JAKMIP1: variants seen among roughly 807,000 people sequenced by gnomAD.
JAKMIP1 encodes janus kinase and microtubule interacting protein 1.
In JAKMIP1, 33 loss-of-function variants were observed where a neutral mutation model predicts 113.0. The ratio of observed to expected loss-of-function variants is 0.29; its 90% CI spans 0.22 to 0.39. The LOEUF (loss-of-function observed/expected upper bound fraction) is 0.39, where lower values mean the gene tolerates loss of function less well. Among genes scored for constraint, JAKMIP1 ranks in the 10% least tolerant of loss-of-function variants. The pLI, the probability that JAKMIP1 is intolerant of heterozygous loss-of-function variation, is 1.00. For missense variants in JAKMIP1, 813 were observed against 1,080.5 expected (o/e 0.75, Z 3.47); for synonymous variants, 480 against 459.9 (o/e 1.04, Z -0.56).
At chr4:6,124,370 T>TGGACCCAA (rs1717124510) in intron 1 of JAKMIP1, among the ~76,000 whole-genome samples, 1 of 152,192 alleles carries the variant, frequency 6.6e-6, no homozygotes, top group Non-Finnish European at 1.5e-5. Context: ...CTTAGTGACC[T>TGGACCCAA]GGACCCAATT....
At position 6,081,626 on chromosome 4, in the gene JAKMIP1, G is replaced by A. The variant is rs144581908; in HGVS notation, c.1084C>T (p.Arg362Trp). 397 of 1,614,142 alleles carry A rather than the reference G, an allele frequency of 2.5e-4. No individual in the cohort carries two copies. The highest frequency in any genetic ancestry group is 3.3e-4 in the Middle Eastern group (2 of 6,060). ...CAGCTCACCATTTCCACGTTTTCCCGCGTGAGGTTCTTGATTTTCTCCTCC... is the reference window on the plus strand; with the variant it reads ...CAGCTCACCATTTCCACGTTTTCCCACGTGAGGTTCTTGATTTTCTCCTCC... Reference protein sequence around the residue: ...RMEEKIKNLTRENVEMKEKLS... With the variant: ...RMEEKIKNLTWENVEMKEKLS... Residue 362 changes from arginine (R) to tryptophan (W), a missense_variant, in exon 6 of 21, where the codon CGG becomes TGG. Around this residue, in one of 2 missense-constraint regions of JAKMIP1, gnomAD observed 540 missense variants for 653.9 expected, o/e 0.83. Coordinates refer to ENST00000409021, the MANE Select transcript of JAKMIP1 (RefSeq NM_001099433.2). The surrounding 1 kb of genome is among the most constrained non-coding windows in gnomAD (Gnocchi z 4.6).
At chr4:6,032,926 G>A (rs1209079885) in intron 19 of JAKMIP1, among the ~76,000 whole-genome samples, 1 of 152,212 alleles carries the variant, frequency 6.6e-6, no homozygotes, top group African/African-American at 2.4e-5. Context: ...ACAATGGAGA[G>A]GGCATTGCCA....
chr4:6,105,395 T>TCGGAG, intron 3 of JAKMIP1, 78 bp downstream of exon 3: 2 of 1,406,668 alleles, frequency 1.4e-6, no homozygotes, highest in Non-Finnish European at 1.9e-6. Flanking sequence ...CAGCAGGTCC[T>TCGGAG]CGGAGCTCCG....
chr4:6,069,852 C>T lies in JAKMIP1; in HGVS notation c.1303-4844G>A, dbSNP rs773940748. On this transcript the variant is annotated intron_variant, in intron 8 of 20. Coordinates refer to ENST00000409021, the MANE Select transcript of JAKMIP1 (RefSeq NM_001099433.2). The surrounding 1 kb of genome is among the most constrained non-coding windows in gnomAD (Gnocchi z 4.5). ...CATATACAGAGGTGCTCTTCCTCAG[C>T]GGGTCAGATGAAGCAGAGGGAAAAA... 2.8e-4 allele frequency among the ~76,000 whole-genome samples: 43 copies of T among 152,048 alleles called. No homozygotes were observed. Among genetic ancestry groups the T allele is most frequent in the Non-Finnish European group, 4.6e-4 (31 of 68,012 alleles).
In JAKMIP1 at chr4:6,081,080, G is replaced by T. The variant is rs1828818; in HGVS notation, c.1101+529C>A. On this transcript the variant is annotated intron_variant, in intron 6 of 20. Transcript: ENST00000409021. The surrounding 1 kb of genome is among the most constrained non-coding windows in gnomAD (Gnocchi z 4.6). ...ACAGAGCCTCCGTCTTCCCGGCTGT[G>T]AAGTGGGGGTTGATACTACTCTGAA... Among the ~76,000 whole-genome samples the T allele has an allele frequency of 6.6e-6, 1 of 151,848 alleles. No homozygotes were observed. Among genetic ancestry groups the T allele is most frequent in the South Asian group, 2.1e-4 (1 of 4,816 alleles).
chr4:6,068,855 C>T (rs982927993), intron 8 of JAKMIP1, among the ~76,000 whole-genome samples: 16 of 152,152 alleles, frequency 1.1e-4, no homozygotes, highest in Non-Finnish European at 2.2e-4. Context: ...CAGGTGTGAG[C>T]CATCATGCCC....
In JAKMIP1 at chr4:6,135,864, C is replaced by T. The variant is rs931908130; in HGVS notation, c.-147-22867G>A. Reference sequence around the variant, plus strand: ...TTCAGATAGCCACCTAACACCTTGGCAGAGGCTGGTGTCAGAGGACTTAAG... The same window carrying T: ...TTCAGATAGCCACCTAACACCTTGGTAGAGGCTGGTGTCAGAGGACTTAAG... On this transcript the variant is annotated intron_variant, in intron 1 of 20. Coordinates refer to ENST00000409021, the MANE Select transcript of JAKMIP1 (RefSeq NM_001099433.2). The surrounding 1 kb of genome is among the most constrained non-coding windows in gnomAD (Gnocchi z 4.9). 1.4e-5 allele frequency among the ~76,000 whole-genome samples: 2 copies of T among 148,022 alleles called. No individual in the cohort carries two copies. Among genetic ancestry groups the T allele is most frequent in the South Asian group, 2.1e-4 (1 of 4,668 alleles).
intron 1 of JAKMIP1, among the ~76,000 whole-genome samples, chr4:6,128,048 C>T (rs1373225679): frequency 2.0e-5 from 3 of 152,186 alleles, no homozygotes; most frequent in African/African-American, 7.2e-5. Context: ...TTGACCCCTA[C>T]AAAGATGCCC....
In JAKMIP1 at chr4:6,154,959, G is replaced by A. The variant is rs1722053758; in HGVS notation, c.-147-41962C>T. Among the ~76,000 whole-genome samples the A allele has an allele frequency of 6.6e-6, 1 of 152,120 alleles. No homozygotes were observed. Among genetic ancestry groups the A allele is most frequent in the South Asian group, 2.1e-4 (1 of 4,808 alleles). ...GGGAAAGGTGCGGGGTAGGGTGGGG[G>A]GTCTTAGCTGGGGTGGAGCCTGAGC... On this transcript the variant is annotated intron_variant, in intron 1 of 20. Transcript: ENST00000409021. This position sits in a 1 kb window ranked among gnomAD's most constrained non-coding sequence, Gnocchi z 4.2.
chr4:6,148,994 G>A (rs991470381), intron 1 of JAKMIP1, among the ~76,000 whole-genome samples: 1 of 152,142 alleles, frequency 6.6e-6, no homozygotes, highest in East Asian at 1.9e-4. Context: ...GTGGTGCCAC[G>A]GATGCTTTAG....
Position 6,040,757 on chromosome 4 carries a change from C to T in JAKMIP1, c.2098-41G>A. The T allele has an allele frequency of 6.5e-7, 1 of 1,531,272 alleles. No homozygotes were observed. The highest frequency in any genetic ancestry group is 1.1e-5 in the South Asian group (1 of 88,072). 94.9% of individuals were successfully genotyped at this position (1,531,272 alleles called of 1,614,324 possible). A position where few individuals can be genotyped will look rare whatever the true frequency, so the allele number is the denominator to read the frequency against. Reference sequence around the variant, plus strand: ...GCGCCATCAGGGACCAGCGTCAGAACAGGAATCCATGACAGCTTCAGAGCC... The same window carrying T: ...GCGCCATCAGGGACCAGCGTCAGAATAGGAATCCATGACAGCTTCAGAGCC... On this transcript the variant is annotated intron_variant, in intron 17 of 20. Coordinates refer to ENST00000409021, the MANE Select transcript of JAKMIP1 (RefSeq NM_001099433.2). The surrounding 1 kb of genome is among the most constrained non-coding windows in gnomAD (Gnocchi z 5.8).
rs376229904 is a variant in JAKMIP1 at position 6,063,867 on chromosome 4, C to T, written c.1431+1013G>A. On this transcript the variant is annotated intron_variant, in intron 9 of 20. Transcript: ENST00000409021. ...TGTGGGGGCGCAAGGAGCTGCAGTG[C>T]CCAGTCCCTCACCAGGAAGCTGTGG... is the stretch of plus-strand genomic sequence containing the variant. 2.6e-4 allele frequency among the ~76,000 whole-genome samples: 39 copies of T among 152,356 alleles called. 1 individual carries two copies. Among genetic ancestry groups the T allele is most frequent in the African/African-American group, 9.1e-4 (38 of 41,590 alleles).
rs772862948 is a variant in JAKMIP1 at position 6,112,869 on chromosome 4, G to T, written c.-19C>A. ...TCGACATGCTTCCCCTTGGGTCAGAGTGCTGAGATCCTGCGGTCCACACCT... is the reference window on the plus strand; with the variant it reads ...TCGACATGCTTCCCCTTGGGTCAGATTGCTGAGATCCTGCGGTCCACACCT... On this transcript the variant is annotated 5_prime_UTR_variant, in exon 2 of 21. Coordinates refer to ENST00000409021, the MANE Select transcript of JAKMIP1 (RefSeq NM_001099433.2). The T allele has an allele frequency of 6.2e-7, 1 of 1,612,256 alleles. No individual in the cohort carries two copies. Among genetic ancestry groups the T allele is most frequent in the South Asian group, 1.1e-5 (1 of 90,968 alleles).
chr4:6,136,081 A>C lies in JAKMIP1; in HGVS notation c.-147-23084T>G, dbSNP rs1189654728. ...GCGAACAGGGTGAAACCCCATCTCT[A>C]CTAAAGATACAAAAATTGGCCGGGC... On this transcript the variant is annotated intron_variant, in intron 1 of 20. Coordinates refer to ENST00000409021, the MANE Select transcript of JAKMIP1 (RefSeq NM_001099433.2). This position sits in a 1 kb window ranked among gnomAD's most constrained non-coding sequence, Gnocchi z 5.9. 6.6e-6 allele frequency among the ~76,000 whole-genome samples: 1 copy of C among 152,062 alleles called. No individual in the cohort carries two copies. Among genetic ancestry groups the C allele is most frequent in the Non-Finnish European group, 1.5e-5 (1 of 68,012 alleles).
chr4:6,126,745 C>A (rs567278169), intron 1 of JAKMIP1, among the ~76,000 whole-genome samples: 171 of 151,096 alleles, frequency 1.1e-3, no homozygotes, highest in African/African-American at 4.1e-3. Context: ...ACACACCAGG[C>A]AGAAACACAC....
intron 1 of JAKMIP1, among the ~76,000 whole-genome samples, chr4:6,119,351 C>T (rs531731480): frequency 6.6e-6 from 1 of 152,032 alleles, no homozygotes; most frequent in Non-Finnish European, 1.5e-5. Context: ...CGAGACTAGC[C>T]TGACCCAACA....
chr4:6,140,141 A>T lies in JAKMIP1; in HGVS notation c.-147-27144T>A, dbSNP rs1455786293. On this transcript the variant is annotated intron_variant, in intron 1 of 20. Transcript: ENST00000409021. This position sits in a 1 kb window ranked among gnomAD's most constrained non-coding sequence, Gnocchi z 9.4. Reference sequence around the variant, plus strand: ...GAACTATTGTCCCAGTTTTTTGGAGACCAATTTCATACACACAGGGGAGAA... The same window carrying T: ...GAACTATTGTCCCAGTTTTTTGGAGTCCAATTTCATACACACAGGGGAGAA... 6.6e-6 allele frequency among the ~76,000 whole-genome samples: 1 copy of T among 152,054 alleles called. No individual in the cohort carries two copies. The highest frequency in any genetic ancestry group is 2.4e-5 in the African/African-American group (1 of 41,376).
In JAKMIP1 at chr4:6,167,760, G is replaced by A. The variant is rs988039421; in HGVS notation, c.-148+32493C>T. On this transcript the variant is annotated intron_variant, in intron 1 of 20. Transcript: ENST00000409021. This position sits in a 1 kb window ranked among gnomAD's most constrained non-coding sequence, Gnocchi z 5.3. Reference sequence around the variant, plus strand: ...AGATGTGAACTGCCCAAGGGCACGCGGCTTTTCCACGGCTCTATGGCTGTC... The same window carrying A: ...AGATGTGAACTGCCCAAGGGCACGCAGCTTTTCCACGGCTCTATGGCTGTC... Among the ~76,000 whole-genome samples the A allele has an allele frequency of 6.6e-6, 1 of 152,190 alleles. No individual in the cohort carries two copies. Among genetic ancestry groups the A allele is most frequent in the Non-Finnish European group, 1.5e-5 (1 of 68,040 alleles).
At position 6,112,914 on chromosome 4, in the gene JAKMIP1, C is replaced by T; in HGVS notation, c.-64G>A. 1 of 1,573,102 alleles carries T rather than the reference C, an allele frequency of 6.4e-7. No individual in the cohort carries two copies. The highest frequency in any genetic ancestry group is 1.7e-5 in the Admixed American group (1 of 57,652). ...ACACCTGTTCACGCACGCCAGCCAG[C>T]AGGCGTGGCTACCAGCTCCACCGTG... is the stretch of plus-strand genomic sequence containing the variant. On this transcript the variant is annotated 5_prime_UTR_variant, in exon 2 of 21. Transcript: ENST00000409021.
Sources: allele counts gnomAD v4.1 joint callset (sites outside exome capture counted in the v4.1 genomes callset), GRCh38; gene constraint gnomAD v4.1.1; regional missense constraint gnomAD v4.1.1; non-coding constraint Gnocchi (gnomAD v3.1); transcripts MANE v1.5; gene names NCBI Gene and HGNC (gene_info 2026-07-23, HGNC 2026-07-21).